ERICH1: variants seen among roughly 807,000 people sequenced by gnomAD.
The protein encoded by ERICH1 is glutamate-rich protein 1.
In ERICH1, 56 loss-of-function variants were observed where a neutral mutation model predicts 39.6. The ratio of observed to expected loss-of-function variants is 1.41; its 90% CI spans 1.14 to 1.77. ERICH1 has a LOEUF of 1.77. Among genes scored for constraint, ERICH1 ranks in the 40% most tolerant of loss-of-function variants. ERICH1 has a pLI of 0.00. For synonymous variants in ERICH1, 313 were observed against 223.6 expected, an observed-to-expected ratio of 1.40 and a Z score of -3.57; for missense variants, 826 against 575.4, an observed-to-expected ratio of 1.44 and a Z score of -4.45.
chr8:665,439 T>C (rs974484432), intron 5 of ERICH1, among the ~76,000 whole-genome samples: 2 of 152,220 alleles, frequency 1.3e-5, no homozygotes, highest in African/African-American at 4.8e-5. Context: ...TGGAATCTAC[T>C]GCTTCTGAAG....
chr8:721,082 T>G (rs1172401516), intron 1 of ERICH1, among the ~76,000 whole-genome samples: 3 of 152,228 alleles, frequency 2.0e-5, no homozygotes, highest in Admixed American at 2.0e-4. Flanking sequence ...TGATCTCAAA[T>G]AGATGTCAAA....
At chr8:652,788 C>A (rs369428140) in intron 3 of ERICH1, among the ~76,000 whole-genome samples, 1 of 152,110 alleles carries the variant, frequency 6.6e-6, no homozygotes, top group Non-Finnish European at 1.5e-5. Flanking sequence ...AAAGTAGGCA[C>A]GGGACCGGAA....
chr8:637,800 C>A (rs1444663452), intron 3 of ERICH1, among the ~76,000 whole-genome samples: 3 of 152,206 alleles, frequency 2.0e-5, no homozygotes, highest in Non-Finnish European at 4.4e-5. Flanking sequence ...GGGAGTCAAA[C>A]AGTGCTTGCC....
chr8:722,826 G>T (rs1214545066), intron 1 of ERICH1, among the ~76,000 whole-genome samples: 2 of 152,236 alleles, frequency 1.3e-5, no homozygotes. Context: ...ATTTCAAAAT[G>T]TGGCTGCTCA....
rs766469339 is a variant in ERICH1 at position 673,344 on chromosome 8, C to T, written c.1008G>A (p.Lys336=). Reference sequence around the variant, plus strand: ...TCAAAAAATTTAGAATACTGTGTGCCTTTTCATTGGTAATTGTATCATCTT... The same window carrying T: ...TCAAAAAATTTAGAATACTGTGTGCTTTTTCATTGGTAATTGTATCATCTT... ...SEEDDTITNE[K]AHSILNFLKS... is the part of the protein sequence containing the mutation. The change falls in exon 4 of 6, where the codon AAG becomes AAA. Residue 336 remains lysine (K), a synonymous_variant. Coordinates refer to ENST00000262109, the MANE Select transcript of ERICH1 (RefSeq NM_207332.3). 2 of 1,613,768 alleles carry T rather than the reference C, an allele frequency of 1.2e-6. No individual in the cohort carries two copies. Among genetic ancestry groups the T allele is most frequent in the African/African-American group, 1.3e-5 (1 of 74,936 alleles).
chr8:692,554 C>G lies in ERICH1; in HGVS notation c.228G>C (p.Glu76Asp), dbSNP rs534397048. 6.2e-7 allele frequency: 1 copy of G among 1,613,382 alleles called. No individual in the cohort carries two copies. The highest frequency in any genetic ancestry group is 2.2e-5 in the East Asian group (1 of 44,760). ...RRLYTASGPP[E>D]GYVPCWPEPS... ...GCTCCGGCCAACAGGGGACGTAGCC[C>G]TCAGGAGGCCCGCTGGCAGTGTAGA... The change falls in exon 3 of 6, where the codon GAG becomes GAC. Residue 76 changes from glutamate to aspartate, a missense_variant. Transcript: ENST00000262109.
intron 2 of ERICH1, among the ~76,000 whole-genome samples, chr8:697,304 AG>A (rs1563288163): frequency 1.3e-5 from 2 of 152,174 alleles, no homozygotes; most frequent in Admixed American, 1.3e-4. Flanking sequence ...GCGCAGGCAC[AG>A]GCTTGGGCTT....
chr8:699,290 G>A (rs1341041150), intron 2 of ERICH1, among the ~76,000 whole-genome samples: 1 of 152,112 alleles, frequency 6.6e-6, no homozygotes, highest in African/African-American at 2.4e-5. Context: ...GCTACCGGGG[G>A]GAGCGCCAGC....
rs116430501 is a variant in ERICH1, at chr8:719,902, T to C, written c.23-3895A>G. ...CCACCGCAGTGTGGACCCAGCGCCC[T>C]CCAGCATGGACCTGGTGCCCTCCAG... On this transcript the variant is annotated intron_variant, in intron 1 of 5. Transcript: ENST00000262109. Among the ~76,000 whole-genome samples, 1,182 of 152,228 alleles carry C rather than the reference T, an allele frequency of 7.8e-3. 19 individuals carry two copies. The highest frequency in any genetic ancestry group is 0.027 in the African/African-American group (1,135 of 41,556).
At chr8:625,659 A>C (rs1240899947) in intron 3 of ERICH1, 1 of 152,244 alleles carries the variant, frequency 6.6e-6, no homozygotes, top group Admixed American at 6.5e-5. Flanking sequence ...AAATAATAAC[A>C]AAGGACGGAA....
At chr8:701,430 G>T (rs1812123275) in intron 2 of ERICH1, among the ~76,000 whole-genome samples, 2 of 152,030 alleles carry the variant, frequency 1.3e-5, no homozygotes, top group South Asian at 4.2e-4. Flanking sequence ...CCACGGGTGT[G>T]CCCTGCTGGA....
chr8:724,101 A>G (rs1207045000), intron 1 of ERICH1, among the ~76,000 whole-genome samples: 2 of 152,322 alleles, frequency 1.3e-5, no homozygotes, highest in East Asian at 1.9e-4. Flanking sequence ...TAATCCTCAA[A>G]TGGGACATCA....
At chr8:670,382 G>A (rs1013229814) in intron 4 of ERICH1, among the ~76,000 whole-genome samples, 14 of 151,996 alleles carry the variant, frequency 9.2e-5, no homozygotes, top group East Asian at 1.9e-4. Context: ...TGGCATGCCC[G>A]GTAAACTGTT....
intron 3 of ERICH1, among the ~76,000 whole-genome samples, chr8:624,215 A>G (rs1217949968): frequency 6.6e-6 from 1 of 152,220 alleles, no homozygotes; most frequent in Non-Finnish European, 1.5e-5. Flanking sequence ...ACCTGTGAGG[A>G]TGGCTAGATG....
chr8:717,230 G>A lies in ERICH1; in HGVS notation c.23-1223C>T, dbSNP rs141873271. Among the ~76,000 whole-genome samples, 820 of 152,226 alleles carry A rather than the reference G, an allele frequency of 5.4e-3. 7 individuals are homozygous for A. Among genetic ancestry groups the A allele is most frequent in the Non-Finnish European group, 6.6e-3 (448 of 68,028 alleles). On this transcript the variant is annotated intron_variant, in intron 1 of 5. Coordinates refer to ENST00000262109, the MANE Select transcript of ERICH1 (RefSeq NM_207332.3). ...GAAACGATGTGATCCCTGAGACCCC[G>A]GGCTCTTCACCAGGTCCTGGCAATG... is the stretch of plus-strand genomic sequence containing the variant.
intron 2 of ERICH1, among the ~76,000 whole-genome samples, chr8:699,503 G>A (rs941536144): frequency 6.6e-6 from 1 of 152,168 alleles, no homozygotes; most frequent in African/African-American, 2.4e-5. Flanking sequence ...TCCGCTGGGC[G>A]CCGCACCCAG....
intron 5 of ERICH1, 138 bp from the exon 6 acceptor site, chr8:664,814 A>G: frequency 3.2e-6 from 2 of 627,936 alleles, no homozygotes; most frequent in Non-Finnish European, 2.7e-6. Context: ...TTGGCATGAA[A>G]CTGATGTTGA....
chr8:640,036 G>A (rs1014691237), intron 3 of ERICH1, among the ~76,000 whole-genome samples: 1 of 152,204 alleles, frequency 6.6e-6, no homozygotes, highest in Admixed American at 6.5e-5. Context: ...CCCAAGCCCT[G>A]ATGGGGAGTG....
At chr8:634,758 C>A (rs1584976310) in intron 3 of ERICH1, among the ~76,000 whole-genome samples, 1 of 152,314 alleles carries the variant, frequency 6.6e-6, no homozygotes, top group East Asian at 1.9e-4. Flanking sequence ...ATGACCTTGG[C>A]GACCGGAAGC....
Sources: gnomAD v4.1 joint callset for allele counts (sites outside exome capture counted in the v4.1 genomes callset) on GRCh38, gnomAD v4.1.1 for gene constraint, MANE v1.5 for transcripts, NCBI Gene and HGNC (gene_info 2026-07-23, HGNC 2026-07-21) for gene names.